The following ASIC2 variants were observed in gnomAD, a reference collection of about 807,000 sequenced individuals.
The protein encoded by ASIC2 is acid sensing ion channel subunit 2.
In ASIC2, 25 loss-of-function variants were observed where a neutral mutation model predicts 57.3. The observed-to-expected ratio is 0.44, with a 90% confidence interval of 0.32 to 0.61. The LOEUF is 0.61. ASIC2 is among the 20% of genes least tolerant of loss of function. ASIC2 has a pLI of 0.06. For synonymous variants in ASIC2, 319 were observed against 307.5 expected (o/e 1.04, Z -0.39); for missense variants, 641 against 738.1 (o/e 0.87, Z 1.52).
chr17:33,463,533 C>T (rs574507612), intron 1 of ASIC2, among the ~76,000 whole-genome samples: 1 of 152,296 alleles, frequency 6.6e-6, no homozygotes, highest in South Asian at 2.1e-4. Flanking sequence ...TGTGTCTCCC[C>T]CAGAATATAT....
chr17:33,175,531 T>A (rs1254832373), intron 1 of ASIC2, among the ~76,000 whole-genome samples: 1 of 152,160 alleles, frequency 6.6e-6, no homozygotes, highest in East Asian at 1.9e-4. Flanking sequence ...TACCCTACTT[T>A]TTTTTTCCAA....
intron 1 of ASIC2, among the ~76,000 whole-genome samples, chr17:33,796,055 T>C (rs1324177799): frequency 6.6e-6 from 1 of 152,240 alleles, no homozygotes; most frequent in East Asian, 1.9e-4. Flanking sequence ...TCCATGACTG[T>C]GAGGGCATTT....
In ASIC2 at chr17:33,292,111, C is replaced by G. The variant is rs1166258960; in HGVS notation, c.5G>C (p.Ser2Thr). The change falls in exon 1 of 10, where the codon AGC becomes ACC. Residue 2 changes from serine (S) to threonine (T), a missense_variant. Physicochemically the swap from Ser to Thr is moderately conservative, Grantham distance 58. Transcript: ENST00000225823. The stretch of plus-strand genomic sequence containing the variant: ...GGGCAGCCCGGCTCCGCCAATCCGG[C>G]TCATTCATTCAGCCCGCGGCTGGCG... The part of the protein sequence containing the change: M[S>T]RIGGAGLPAA... 1 of 1,043,646 alleles carries G rather than the reference C, an allele frequency of 9.6e-7. No individual in the cohort carries two copies. Among genetic ancestry groups the G allele is most frequent in the Non-Finnish European group, 1.1e-6 (1 of 870,040 alleles). 64.6% of individuals were successfully genotyped at this position (1,043,646 alleles called of 1,614,324 possible). A position where few individuals can be genotyped will look rare whatever the true frequency, so the allele number is the denominator to read the frequency against.
rs983645318 is a variant in ASIC2 at position 33,683,414 on chromosome 17, C to T, written c.555+472564G>A. Among the ~76,000 whole-genome samples, 11 of 152,326 alleles carry T rather than the reference C, an allele frequency of 7.2e-5. No homozygotes were observed. The East Asian group carries it at 2.1e-3, about 29-fold the overall frequency. On this transcript the variant is annotated intron_variant, in intron 1 of 9. Transcript: ENST00000359872. The stretch of plus-strand genomic sequence containing the variant: ...GAAGACAAGTTCTTGCTCTGTCACC[C>T]AGGCTGGAGCACAGTGGTGCAAACA...
rs145600257 is a variant in ASIC2, at chr17:33,970,868, G to C, written c.555+185110C>G. Among the ~76,000 whole-genome samples, 167 of 152,316 alleles carry C rather than the reference G, an allele frequency of 1.1e-3. 2 individuals carry two copies. The highest frequency in any genetic ancestry group is 2.9e-3 in the East Asian group (15 of 5,174). The stretch of plus-strand genomic sequence containing the variant: ...TGAGAAATCTTCCCCCAACAGGCAA[G>C]GGGAGATGCTCAGAACAAACCCAGG... On this transcript the variant is annotated intron_variant, in intron 1 of 9. Transcript: ENST00000359872.
intron 1 of ASIC2, among the ~76,000 whole-genome samples, chr17:33,755,864 CAGGCAAGTTAGGTGCACG>C (rs1910588180): frequency 2.0e-5 from 3 of 152,192 alleles, no homozygotes; most frequent in Non-Finnish European, 4.4e-5. Flanking sequence ...TGAGCCTTCA[CAGGCAAGTTAGGTGCACG>C]AGGAGGGCAG....
intron 1 of ASIC2, among the ~76,000 whole-genome samples, chr17:33,879,448 T>C (rs1914642045): frequency 6.6e-6 from 1 of 152,170 alleles, no homozygotes; most frequent in African/African-American, 2.4e-5. Flanking sequence ...AGGCAGGTGT[T>C]GCAATCCTAG....
intron 1 of ASIC2, among the ~76,000 whole-genome samples, chr17:33,814,321 T>A (rs1242257195): frequency 6.6e-6 from 1 of 152,084 alleles, no homozygotes; most frequent in Non-Finnish European, 1.5e-5. Flanking sequence ...TGACATCGGA[T>A]GCAAAAAAAG....
chr17:33,085,489 A>C (rs190009683), intron 3 of ASIC2, among the ~76,000 whole-genome samples: 1 of 152,380 alleles, frequency 6.6e-6, no homozygotes, highest in Non-Finnish European at 1.5e-5. Flanking sequence ...GAGAGCATAC[A>C]GCTGGGGCTA....
At chr17:33,582,969 C>T (rs1904491097) in intron 1 of ASIC2, among the ~76,000 whole-genome samples, 1 of 151,298 alleles carries the variant, frequency 6.6e-6, no homozygotes, top group South Asian at 2.1e-4. Context: ...AATAACGTTA[C>T]TAATGCTGCA....
intron 1 of ASIC2, among the ~76,000 whole-genome samples, chr17:33,373,447 C>T (rs1443779786): frequency 6.6e-6 from 1 of 152,222 alleles, no homozygotes; most frequent in Non-Finnish European, 1.5e-5. Flanking sequence ...ATGATAATAG[C>T]TGCTTCCTAA....
intron 1 of ASIC2, among the ~76,000 whole-genome samples, chr17:33,488,154 A>T (rs11654862): frequency 0.19 from 28,944 of 152,132 alleles, 2,784 homozygotes; most frequent in Middle Eastern, 0.27. Flanking sequence ...TAGAAAGCTC[A>T]GTATCAGTTT....
At chr17:33,284,478 T>C (rs1905070930) in intron 1 of ASIC2, among the ~76,000 whole-genome samples, 1 of 152,184 alleles carries the variant, frequency 6.6e-6, no homozygotes, top group Non-Finnish European at 1.5e-5. Context: ...GATCTTGTCC[T>C]CTTACGAACC....
In ASIC2 at chr17:33,512,702, T is replaced by G. The variant is rs139124134; in HGVS notation, c.556-400635A>C. ...CCAGGCTGCCTTCAGTTTCTGGGTT[T>G]ATCCTTCTAACTTGGCACTGCCTCC... On this transcript the variant is annotated intron_variant, in intron 1 of 9. Coordinates refer to the ASIC2 transcript ENST00000359872. Among the ~76,000 whole-genome samples, 442 of 152,306 alleles carry G rather than the reference T, an allele frequency of 2.9e-3. 1 individual carries two copies. Among genetic ancestry groups the G allele is most frequent in the Middle Eastern group, 0.014 (4 of 294 alleles).
intron 1 of ASIC2, among the ~76,000 whole-genome samples, chr17:33,137,357 C>T (rs1459991476): frequency 6.6e-6 from 1 of 152,212 alleles, no homozygotes; most frequent in African/African-American, 2.4e-5. Flanking sequence ...AGAGCATACA[C>T]CACTTCTGTC....
intron 1 of ASIC2, among the ~76,000 whole-genome samples, chr17:33,571,415 A>C (rs1916436709): frequency 6.6e-6 from 1 of 152,208 alleles, no homozygotes; most frequent in African/African-American, 2.4e-5. Context: ...CTGATTAATC[A>C]CAGTACCCAG....
At chr17:33,951,424 G>C (rs1567766518) in intron 1 of ASIC2, among the ~76,000 whole-genome samples, 1 of 152,076 alleles carries the variant, frequency 6.6e-6, no homozygotes, top group Non-Finnish European at 1.5e-5. Flanking sequence ...GCCTTCCTGT[G>C]CTGTATTACC....
chr17:34,125,518 C>G (rs917544389), intron 1 of ASIC2, among the ~76,000 whole-genome samples: 1 of 151,932 alleles, frequency 6.6e-6, no homozygotes, highest in Non-Finnish European at 1.5e-5. Context: ...TCCAGGAGAC[C>G]AGAGAACCAG....
intron 1 of ASIC2, among the ~76,000 whole-genome samples, chr17:34,090,286 T>C (rs9896741): frequency 0.9 from 136,794 of 152,222 alleles, 61,838 homozygotes; most frequent in African/African-American, 0.98. Context: ...CCCAAATGCC[T>C]GTAGGAGAGA....
Sources: gnomAD v4.1 joint callset for allele counts (sites outside exome capture counted in the v4.1 genomes callset) on GRCh38, gnomAD v4.1.1 for gene constraint, MANE v1.5 for transcripts, NCBI Gene and HGNC (gene_info 2026-07-23, HGNC 2026-07-21) for gene names.